Variants in SYT9 observed in about 807,000 individuals in gnomAD.
SYT9 encodes the protein synaptotagmin 9, also known as synaptotagmin-9.
Under a neutral mutation model 48.4 loss-of-function variants are expected in SYT9, and 22 were observed. That is an observed-to-expected ratio of 0.45 (90% CI 0.32 to 0.65). The LOEUF (loss-of-function observed/expected upper bound fraction) is 0.65, where lower values mean the gene tolerates loss of function less well. Among genes scored for constraint, SYT9 ranks in the 30% least tolerant of loss-of-function variants. SYT9 has a pLI of 0.03. For missense variants in SYT9, 577 were observed against 622.0 expected (o/e 0.93, Z 0.77); for synonymous variants, 265 against 245.0 (o/e 1.08, Z -0.76).
chr11:7,414,503 A>G (rs1389355416), intron 3 of SYT9, among the ~76,000 whole-genome samples: 1 of 152,248 alleles, frequency 6.6e-6, no homozygotes, highest in Admixed American at 6.5e-5. Flanking sequence ...GGAACCCAGC[A>G]CTGCAGAACA....
At chr11:7,297,387 T>C (rs1428858773) in intron 1 of SYT9, among the ~76,000 whole-genome samples, 1 of 152,190 alleles carries the variant, frequency 6.6e-6, no homozygotes, top group African/African-American at 2.4e-5. Context: ...GTGAAGCAAA[T>C]TGTGACATAT....
chr11:7,432,169 C>T (rs984864741), intron 6 of SYT9, among the ~76,000 whole-genome samples: 2 of 152,200 alleles, frequency 1.3e-5, no homozygotes, highest in Non-Finnish European at 2.9e-5. Context: ...AGGGGCAGAG[C>T]TGCCCAAGGC....
At chr11:7,451,706 A>C (rs944710522) in intron 6 of SYT9, among the ~76,000 whole-genome samples, 1 of 152,218 alleles carries the variant, frequency 6.6e-6, no homozygotes, top group Non-Finnish European at 1.5e-5. Context: ...ACATCTTTCC[A>C]CTGGACTTGA....
At chr11:7,447,530 C>A (rs1847956673) in intron 6 of SYT9, among the ~76,000 whole-genome samples, 1 of 152,216 alleles carries the variant, frequency 6.6e-6, no homozygotes, top group Admixed American at 6.5e-5. Flanking sequence ...TTCCTTCGAA[C>A]TCAACATACA....
Position 7,303,240 on chromosome 11 carries a change from T to C in SYT9, c.347T>C (p.Leu116Pro). 6.2e-7 allele frequency: 1 copy of C among 1,614,106 alleles called. No homozygotes were observed. Among genetic ancestry groups the C allele is most frequent in the Non-Finnish European group, 8.5e-7 (1 of 1,180,010 alleles). ...TNEQENSEDF[L>P]DPPTPCPDSS... ...GAGCAGGAGAACAGTGAGGACTTCC[T>C]AGATCCTCCCACGCCCTGCCCTGAC... The change falls in exon 2 of 7, where the codon CTA (leucine) becomes CCA (proline). Residue 116 changes from leucine to proline, a missense_variant. Physicochemically the swap from Leu to Pro is moderately conservative, Grantham distance 98. Coordinates refer to ENST00000318881, the MANE Select transcript of SYT9 (RefSeq NM_175733.4).
In SYT9 at chr11:7,252,970, T is replaced by C. The variant is rs921339447; in HGVS notation, c.145+639T>C. ...CTGGGCGCTAGGCTCGACCAGCGAC[T>C]ACCGCCGGCCACGATGGGGTTCGTA... On this transcript the variant is annotated intron_variant, in intron 1 of 6. Transcript: ENST00000318881. The surrounding 1 kb of genome is among the most constrained non-coding windows in gnomAD (Gnocchi z 6.3). Among the ~76,000 whole-genome samples, 3 of 152,250 alleles carry C rather than the reference T, an allele frequency of 2.0e-5. No homozygotes were observed. The highest frequency in any genetic ancestry group is 4.8e-5 in the African/African-American group (2 of 41,478).
chr11:7,343,872 AC>A (rs1849754504), intron 3 of SYT9, among the ~76,000 whole-genome samples: 1 of 152,214 alleles, frequency 6.6e-6, no homozygotes, highest in South Asian at 2.1e-4. Flanking sequence ...GGCATGTCTT[AC>A]ATGGTGGCAG....
At chr11:7,387,839 A>G (rs766380789) in intron 3 of SYT9, among the ~76,000 whole-genome samples, 1 of 152,180 alleles carries the variant, frequency 6.6e-6, no homozygotes, top group Non-Finnish European at 1.5e-5. Flanking sequence ...TCATATGTTT[A>G]ATCAACCATG....
intron 1 of SYT9, among the ~76,000 whole-genome samples, chr11:7,273,210 T>C (rs1376726071): frequency 6.6e-6 from 1 of 152,130 alleles, no homozygotes; most frequent in Non-Finnish European, 1.5e-5. Flanking sequence ...TAGAAATGTG[T>C]ATTTAAGGTA....
At position 7,325,703 on chromosome 11, in the gene SYT9, G is replaced by A. The variant is rs1489173811; in HGVS notation, c.1044+11762G>A. ...TCTGTCTTGTGCCAGTTTTCAAAGGGAATGCTTCCAGTTTTTGCCCATTCA... is the reference window on the plus strand; with the variant it reads ...TCTGTCTTGTGCCAGTTTTCAAAGGAAATGCTTCCAGTTTTTGCCCATTCA... On this transcript the variant is annotated intron_variant, in intron 3 of 6. Coordinates refer to ENST00000318881, the MANE Select transcript of SYT9 (RefSeq NM_175733.4). 5.3e-5 allele frequency among the ~76,000 whole-genome samples: 5 copies of A among 94,100 alleles called. No homozygotes were observed. The East Asian group carries it at 1.2e-3, about 22-fold the overall frequency. The allele number at this position is 94,100 out of a possible 152,430, so 61.7% of individuals were successfully genotyped here.
At chr11:7,462,103 C>T (rs1012233365) in intron 6 of SYT9, among the ~76,000 whole-genome samples, 1 of 149,504 alleles carries the variant, frequency 6.7e-6, no homozygotes, top group African/African-American at 2.5e-5. Flanking sequence ...AGTGGAGTTA[C>T]CATTCAAAGC....
intron 3 of SYT9, among the ~76,000 whole-genome samples, chr11:7,352,126 T>C (rs891433245): frequency 6.6e-6 from 1 of 152,170 alleles, no homozygotes; most frequent in Non-Finnish European, 1.5e-5. Context: ...GGGAAATATA[T>C]GTGTTTGTGA....
chr11:7,434,753 T>C (rs978480287), intron 6 of SYT9, among the ~76,000 whole-genome samples: 4 of 152,192 alleles, frequency 2.6e-5, no homozygotes, highest in Non-Finnish European at 5.9e-5. Context: ...CTTATAATCT[T>C]AAATTTGCAC....
At chr11:7,244,179 A>AATTCT (rs1847769389) in intron 1 of SYT9, among the ~76,000 whole-genome samples, 1 of 152,160 alleles carries the variant, frequency 6.6e-6, no homozygotes, top group African/African-American at 2.4e-5. Flanking sequence ...TATCTTTTTA[A>AATTCT]ATTCTAAAGC....
chr11:7,270,575 G>A (rs900733549), intron 1 of SYT9, among the ~76,000 whole-genome samples: 2 of 152,136 alleles, frequency 1.3e-5, no homozygotes, highest in African/African-American at 4.8e-5. Context: ...TGAGTATCTT[G>A]AACTGAGTTC....
At chr11:7,423,109 C>A (rs2134107860) in intron 6 of SYT9, among the ~76,000 whole-genome samples, 1 of 152,284 alleles carries the variant, frequency 6.6e-6, no homozygotes, top group Non-Finnish European at 1.5e-5. Context: ...GCCTGTGGGG[C>A]TTATATGAAG....
chr11:7,265,136 A>AT (rs780498198), intron 1 of SYT9, among the ~76,000 whole-genome samples: 2 of 151,896 alleles, frequency 1.3e-5, no homozygotes, highest in Non-Finnish European at 2.9e-5. Flanking sequence ...CTGATTCCCA[A>AT]TTTTTTTTGC....
chr11:7,466,780 T>C lies in SYT9; in HGVS notation c.1468-12T>C. 1 of 1,611,772 alleles carries C rather than the reference T, an allele frequency of 6.2e-7. No homozygotes were observed. Among genetic ancestry groups the C allele is most frequent in the Non-Finnish European group, 8.5e-7 (1 of 1,179,366 alleles). On this transcript the variant is annotated splice_polypyrimidine_tract_variant and intron_variant, in intron 6 of 6. Transcript: ENST00000318881. ...GAAAGCCAAATTATTTTTTTGTTTT[T>C]TCTTCCTGCAGAAACGATGACCATG...
At chr11:7,318,304 T>C (rs1849277045) in intron 3 of SYT9, among the ~76,000 whole-genome samples, 1 of 151,290 alleles carries the variant, frequency 6.6e-6, no homozygotes, top group Non-Finnish European at 1.5e-5. Flanking sequence ...TTGGCAGTCT[T>C]GTAGAACTCA....
Sources: gnomAD v4.1 joint callset for allele counts (sites outside exome capture counted in the v4.1 genomes callset) on GRCh38, gnomAD v4.1.1 for gene constraint, Gnocchi (gnomAD v3.1) non-coding constraint, MANE v1.5 for transcripts, NCBI Gene and HGNC (gene_info 2026-07-23, HGNC 2026-07-21) for gene names.